NPAS3: variants seen among roughly 807,000 people sequenced by gnomAD.
NPAS3 encodes neuronal PAS domain protein 3.
In NPAS3, 14 loss-of-function variants were observed where a neutral mutation model predicts 73.1. That is an observed-to-expected ratio of 0.19 (90% CI 0.13 to 0.30). The LOEUF (loss-of-function observed/expected upper bound fraction) is 0.30. NPAS3 is among the 10% of genes least tolerant of loss of function. NPAS3 has a pLI of 1.00. For missense variants in NPAS3, 1,096 were observed against 1,250.0 expected (o/e 0.88, Z 1.86); for synonymous variants, 620 against 541.5 (o/e 1.14, Z -2.01).
At chr14:33,202,414 G>A (rs1329677896) in intron 2 of NPAS3, among the ~76,000 whole-genome samples, 4 of 151,744 alleles carry the variant, frequency 2.6e-5, no homozygotes, top group East Asian at 3.9e-4. Context: ...AAAAAAAAAA[G>A]AGAGAAATGT....
chr14:33,424,091 A>G (rs1475066550), intron 4 of NPAS3, among the ~76,000 whole-genome samples: 1 of 151,976 alleles, frequency 6.6e-6, no homozygotes, highest in Non-Finnish European at 1.5e-5. Flanking sequence ...AATGCCCTCA[A>G]GGAGAGGCAA....
At chr14:33,361,504 G>T (rs2045600400) in intron 3 of NPAS3, among the ~76,000 whole-genome samples, 1 of 152,022 alleles carries the variant, frequency 6.6e-6, no homozygotes, top group South Asian at 2.1e-4. Flanking sequence ...AGCAGACATG[G>T]TTTCTTTTTC....
chr14:33,457,617 A>G (rs2050079088), intron 4 of NPAS3, among the ~76,000 whole-genome samples: 1 of 152,188 alleles, frequency 6.6e-6, no homozygotes, highest in Admixed American at 6.5e-5. Context: ...AGATTTTAGC[A>G]AGGAATTTCA....
intron 4 of NPAS3, among the ~76,000 whole-genome samples, chr14:33,558,648 G>T (rs1460814105): frequency 6.6e-6 from 1 of 151,368 alleles, no homozygotes; most frequent in Admixed American, 6.6e-5. Context: ...ATATATATAA[G>T]AATATATATA....
chr14:33,610,131 T>C (rs1169961002), intron 5 of NPAS3, among the ~76,000 whole-genome samples: 1 of 152,146 alleles, frequency 6.6e-6, no homozygotes, highest in Non-Finnish European at 1.5e-5. Context: ...GTGTTGGAAA[T>C]AAGTCTGGGA....
chr14:33,746,502 C>CTT lies in NPAS3; in HGVS notation c.852+11182_852+11183dup, dbSNP rs559179003. The stretch of plus-strand genomic sequence containing the variant: ...ACACCCGGCCCTCTACTGACTCATT[C>CTT]TTTTTTTTTTTTTATGATGTATTTA... On this transcript the variant is annotated intron_variant, in intron 7 of 11. Transcript: ENST00000356141. 5.4e-3 allele frequency among the ~76,000 whole-genome samples: 759 copies of CTT among 140,234 alleles called. 8 individuals are homozygous for CTT. Among genetic ancestry groups the CTT allele is most frequent in the African/African-American group, 0.019 (721 of 38,736 alleles). 92.0% of individuals were successfully genotyped at this position (140,234 alleles called of 152,430 possible).
At chr14:33,622,874 T>C (rs1223065329) in intron 5 of NPAS3, among the ~76,000 whole-genome samples, 2 of 152,198 alleles carry the variant, frequency 1.3e-5, no homozygotes, top group Non-Finnish European at 2.9e-5. Context: ...GTAATTCTAC[T>C]TGCCCGGCAC....
At chr14:33,777,802 T>G (rs2062868576) in intron 8 of NPAS3, among the ~76,000 whole-genome samples, 1 of 152,208 alleles carries the variant, frequency 6.6e-6, no homozygotes, top group Non-Finnish European at 1.5e-5. Context: ...ACACACGTAC[T>G]GTCGAGCACA....
downstream of NPAS3, chr14:33,803,407 G>A (rs2063759565): frequency 6.6e-6 from 1 of 152,032 alleles, no homozygotes; most frequent in Non-Finnish European, 1.5e-5. Flanking sequence ...CCCAAACCGT[G>A]GTGGAATAAT....
At chr14:33,197,270 C>G (rs956501187) in intron 2 of NPAS3, among the ~76,000 whole-genome samples, 851 of 29,386 alleles carry the variant, frequency 0.029, 4 homozygotes, top group African/African-American at 0.076. Context: ...TGTGTGTGTT[C>G]TTTTTCAATT....
At chr14:33,335,361 G>C (rs943794861) in intron 3 of NPAS3, among the ~76,000 whole-genome samples, 4 of 152,098 alleles carry the variant, frequency 2.6e-5, no homozygotes, top group Admixed American at 6.6e-5. Context: ...CTGACTGAGA[G>C]TGTCTCTTGG....
intron 3 of NPAS3, among the ~76,000 whole-genome samples, chr14:33,284,897 G>A (rs1410644171): frequency 6.6e-6 from 1 of 152,024 alleles, no homozygotes; most frequent in African/African-American, 2.4e-5. Flanking sequence ...TAGAGGTGAA[G>A]TACCCCGCCT....
intron 3 of NPAS3, among the ~76,000 whole-genome samples, chr14:33,357,491 G>A (rs1470302171): frequency 4.6e-5 from 7 of 152,308 alleles, no homozygotes; most frequent in East Asian, 3.9e-4. Flanking sequence ...AGAAGCTGGT[G>A]ACAACTTACA....
In NPAS3 at chr14:33,302,303, G is replaced by A. The variant is rs146559946; in HGVS notation, c.386-64883G>A. Among the ~76,000 whole-genome samples the A allele has an allele frequency of 7.7e-3, 1,172 of 152,264 alleles. 12 individuals are homozygous for A. The highest frequency in any genetic ancestry group is 0.027 in the African/African-American group (1,112 of 41,550). On this transcript the variant is annotated intron_variant, in intron 3 of 11. Transcript: ENST00000356141. ...CACTGAAGCAAATAGAAATCTCAGA[G>A]CACAGTGTTGAAAGGAATAGGTTAA...
chr14:33,706,735 C>T (rs1043712796), intron 6 of NPAS3, among the ~76,000 whole-genome samples: 1 of 152,168 alleles, frequency 6.6e-6, no homozygotes, highest in Non-Finnish European at 1.5e-5. Context: ...TTGTTCACCC[C>T]ATTTCCAGAT....
In NPAS3 at chr14:33,082,902, GCACAATGTCTCACATCTTTAAT is replaced by G. The variant is rs2041904292; in HGVS notation, c.140+26913_140+26934del. On this transcript the variant is annotated intron_variant, in intron 2 of 11. Transcript: ENST00000356141. ...TTATTCAAAAGTGACTTTGGGCCAG[GCACAATGTCTCACATCTTTAAT>G]CACAGCACCTTGGGAGGCTGAGATA... Among the ~76,000 whole-genome samples, 2 of 152,044 alleles carry G rather than the reference GCACAATGTCTCACATCTTTAAT, an allele frequency of 1.3e-5. 1 individual carries two copies. The highest frequency in any genetic ancestry group is 1.3e-4 in the Admixed American group (2 of 15,272).
At chr14:33,431,595 A>T (rs2048785627) in intron 4 of NPAS3, among the ~76,000 whole-genome samples, 1 of 152,188 alleles carries the variant, frequency 6.6e-6, no homozygotes, top group Admixed American at 6.5e-5. Context: ...GCTATTTTAA[A>T]TATTTGTTAT....
At chr14:33,556,152 C>G (rs74487135) in intron 4 of NPAS3, among the ~76,000 whole-genome samples, 3,986 of 152,268 alleles carry the variant, frequency 0.026, 90 homozygotes, top group Middle Eastern at 0.048. Context: ...TCCAGATATT[C>G]TTTTACCCTG....
chr14:33,191,050 A>G (rs2046154419), intron 2 of NPAS3, among the ~76,000 whole-genome samples: 2 of 152,128 alleles, frequency 1.3e-5, no homozygotes, highest in Admixed American at 6.6e-5. Flanking sequence ...CGTTTTGTAA[A>G]TGGTCAAAAT....
Sources: allele counts gnomAD v4.1 joint callset (sites outside exome capture counted in the v4.1 genomes callset), GRCh38; gene constraint gnomAD v4.1.1; transcripts MANE v1.5; gene names NCBI Gene and HGNC (gene_info 2026-07-23, HGNC 2026-07-21).